ATAD2B: variants seen among roughly 807,000 people sequenced by gnomAD.
The protein encoded by ATAD2B is ATPase family AAA domain containing 2B, also known as ATPase family AAA domain-containing protein 2B.
Under a neutral mutation model 167.6 loss-of-function variants are expected in ATAD2B, and 40 were observed. The ratio of observed to expected loss-of-function variants is 0.24; its 90% CI spans 0.19 to 0.31. ATAD2B has a LOEUF of 0.31. Among genes scored for constraint, ATAD2B ranks in the 10% least tolerant of loss-of-function variants. The pLI is 1.00. For missense variants in ATAD2B, 1,242 were observed against 1,757.2 expected, an observed-to-expected ratio of 0.71 and a Z score of 5.24; for synonymous variants, 579 against 596.5, an observed-to-expected ratio of 0.97 and a Z score of 0.43.
At chr2:23,824,103 C>T (rs1229004347) in intron 15 of ATAD2B, among the ~76,000 whole-genome samples, 1 of 152,072 alleles carries the variant, frequency 6.6e-6, no homozygotes, top group South Asian at 2.1e-4. Context: ...CATGTGCCAC[C>T]ACACTCGTAT....
intron 1 of ATAD2B, among the ~76,000 whole-genome samples, chr2:23,898,534 T>A (rs1249889669): frequency 6.6e-6 from 1 of 152,208 alleles, no homozygotes; most frequent in Non-Finnish European, 1.5e-5. Flanking sequence ...CTAAAATGTA[T>A]ACAATGAAGC....
In ATAD2B at chr2:23,770,155, C is replaced by A. The variant is rs1221927603; in HGVS notation, c.3134-4527G>T. On this transcript the variant is annotated intron_variant, in intron 22 of 27. Transcript: ENST00000238789. ...TGAAACCCCATCTCTACTAAAAATA[C>A]AAAAAAAAAAAATAGCTGGGCATGG... Among the ~76,000 whole-genome samples, 513 of 138,848 alleles carry A rather than the reference C, an allele frequency of 3.7e-3. 4 individuals are homozygous for A. Among genetic ancestry groups the A allele is most frequent in the Non-Finnish European group, 6.5e-3 (416 of 63,568 alleles). 91.1% of individuals were successfully genotyped at this position (138,848 alleles called of 152,430 possible). A position where few individuals can be genotyped will look rare whatever the true frequency, so the allele number is the denominator to read the frequency against.
chr2:23,768,351 T>C (rs981414980), intron 22 of ATAD2B, among the ~76,000 whole-genome samples: 3 of 149,050 alleles, frequency 2.0e-5, no homozygotes, highest in Non-Finnish European at 3.0e-5. Context: ...CTGGGCAACA[T>C]GGCGAGCCAC....
At chr2:23,872,129 G>C in intron 8 of ATAD2B, 1 of 255,210 alleles carries the variant, frequency 3.9e-6, no homozygotes, top group Non-Finnish European at 7.7e-6. Flanking sequence ...GCCCATCTCG[G>C]CCTCCCAAAC....
chr2:23,707,085 T>C, the ATAD2B span: 3 of 154,218 alleles, frequency 1.9e-5, no homozygotes, highest in Non-Finnish European at 4.3e-5. Flanking sequence ...AGTGTCCTTA[T>C]CACTTTGATT....
At chr2:23,699,115 G>A in the ATAD2B span, among the ~76,000 whole-genome samples, 1 of 152,178 alleles carries the variant, frequency 6.6e-6, no homozygotes, top group African/African-American at 2.4e-5. Flanking sequence ...TTCCAGCCTC[G>A]TCTCAAATCC....
At chr2:23,924,539 T>C (rs190031814) in intron 1 of ATAD2B, among the ~76,000 whole-genome samples, 1 of 152,298 alleles carries the variant, frequency 6.6e-6, no homozygotes, top group Admixed American at 6.5e-5. Context: ...TATCCTCTTC[T>C]AAAGGTCCAA....
At chr2:23,695,776 C>T in the ATAD2B span, 3 of 1,551,278 alleles carry the variant, frequency 1.9e-6, no homozygotes, top group Non-Finnish European at 2.6e-6. This position sits in a 1 kb window ranked among gnomAD's most constrained non-coding sequence, Gnocchi z 7.6. Context: ...GCCCCACGCC[C>T]GCCAGGAGAT....
intron 13 of ATAD2B, among the ~76,000 whole-genome samples, chr2:23,853,762 T>C (rs7590252): frequency 0.44 from 67,356 of 151,872 alleles, 15,969 homozygotes; most frequent in East Asian, 0.78. Context: ...AAGAACAAAT[T>C]TGGAGGACTT....
chr2:23,862,717 G>C (rs996818192), intron 12 of ATAD2B, among the ~76,000 whole-genome samples: 1 of 152,100 alleles, frequency 6.6e-6, no homozygotes, highest in Admixed American at 6.6e-5. Context: ...TTCTAGTACC[G>C]TATTTACAGC....
chr2:23,695,831 G>C, the ATAD2B span: 3 of 1,544,734 alleles, frequency 1.9e-6, no homozygotes, highest in Non-Finnish European at 1.7e-6. This position sits in a 1 kb window ranked among gnomAD's most constrained non-coding sequence, Gnocchi z 7.6. Flanking sequence ...GGTATGAAGG[G>C]GCACGCCCCG....
At chr2:23,897,504 C>T (rs937633710) in intron 1 of ATAD2B, among the ~76,000 whole-genome samples, 4 of 152,198 alleles carry the variant, frequency 2.6e-5, no homozygotes, top group Non-Finnish European at 5.9e-5. Context: ...TTCCATCATT[C>T]CTTCTACATT....
chr2:23,899,263 T>C (rs1200743847), intron 1 of ATAD2B, among the ~76,000 whole-genome samples: 1 of 135,078 alleles, frequency 7.4e-6, no homozygotes, highest in Non-Finnish European at 1.5e-5. Flanking sequence ...CAGTGAGCTG[T>C]GATCACGCCA....
rs1687190379 is a variant in ATAD2B at position 23,819,860 on chromosome 2, C to T, written c.2154G>A (p.Glu718=). ...KKEDIETLIL[E]DSEDENALSI... ...ATAAAGCATTTTCATCTTCACTATCCTCTAAAATTAAAGTTTCTATATCTG... is the reference window on the plus strand; with the variant it reads ...ATAAAGCATTTTCATCTTCACTATCTTCTAAAATTAAAGTTTCTATATCTG... Residue 718 remains glutamate (E), a synonymous_variant, in exon 17 of 28, where the codon GAG becomes GAA. Transcript: ENST00000238789. The T allele has an allele frequency of 5.1e-6, 8 of 1,583,314 alleles. No individual in the cohort carries two copies. Among genetic ancestry groups the T allele is most frequent in the Non-Finnish European group, 6.9e-6 (8 of 1,154,332 alleles).
At chr2:23,709,610 A>G in the ATAD2B span, among the ~76,000 whole-genome samples, 1 of 151,752 alleles carries the variant, frequency 6.6e-6, no homozygotes, top group Admixed American at 6.6e-5. Context: ...TTAATTCACA[A>G]ATCTCACCAA....
At chr2:23,693,020 CCTT>C in the ATAD2B span, among the ~76,000 whole-genome samples, 1 of 152,132 alleles carries the variant, frequency 6.6e-6, no homozygotes, top group African/African-American at 2.4e-5. Context: ...CAGTCTCGGT[CCTT>C]CTGCCAGGAC....
intron 1 of ATAD2B, among the ~76,000 whole-genome samples, chr2:23,906,021 C>A (rs771724037): frequency 1.3e-5 from 2 of 151,944 alleles, no homozygotes; most frequent in African/African-American, 2.4e-5. Flanking sequence ...ATCGTTAGAC[C>A]CAGTAATTCC....
In ATAD2B at chr2:23,798,132, T is replaced by C; in HGVS notation, c.2640+6A>G. 6.6e-7 allele frequency: 1 copy of C among 1,512,928 alleles called. No homozygotes were observed. The highest frequency in any genetic ancestry group is 9.0e-7 in the Non-Finnish European group (1 of 1,108,722). The allele number at this position is 1,512,928 out of a possible 1,614,324, so 93.7% of individuals were successfully genotyped here. On this transcript the variant is annotated splice_donor_region_variant and intron_variant, in intron 19 of 27. Transcript: ENST00000238789. ...AAGGAAAGATAAATATTTAATCAGT[T>C]CTTACCTCTTCAGGCAGTTCACTGT...
At chr2:23,916,733 C>T (rs961097129) in intron 1 of ATAD2B, among the ~76,000 whole-genome samples, 3 of 152,150 alleles carry the variant, frequency 2.0e-5, no homozygotes, top group Non-Finnish European at 4.4e-5. Context: ...CGGGTATAAA[C>T]TTCAGATATA....
Sources: gnomAD v4.1 joint callset for allele counts (sites outside exome capture counted in the v4.1 genomes callset) on GRCh38, gnomAD v4.1.1 for gene constraint, Gnocchi (gnomAD v3.1) non-coding constraint, MANE v1.5 for transcripts, NCBI Gene and HGNC (gene_info 2026-07-23, HGNC 2026-07-21) for gene names.